Variants in TCP1 observed in about 807,000 individuals in gnomAD.
TCP1 encodes the protein T-complex protein 1 subunit alpha.
In TCP1, 6 loss-of-function variants were observed where a neutral mutation model predicts 54.7. The observed-to-expected ratio is 0.11, with a 90% confidence interval of 0.06 to 0.22. The LOEUF (loss-of-function observed/expected upper bound fraction) is 0.22. Among genes scored for constraint, TCP1 ranks in the 10% least tolerant of loss-of-function variants. The probability of loss-of-function intolerance (pLI) is 1.00; values close to 1 mark genes in which losing one functional copy is unlikely to be tolerated. For missense variants in TCP1, 511 were observed against 678.2 expected, an observed-to-expected ratio of 0.75 and a Z score of 2.74; for synonymous variants, 225 against 229.7, an observed-to-expected ratio of 0.98 and a Z score of 0.19.
intron 7 of TCP1, among the ~76,000 whole-genome samples, chr6:159,781,377 A>G (rs1168913892): frequency 6.6e-6 from 1 of 152,208 alleles, no homozygotes; most frequent in Non-Finnish European, 1.5e-5. Context: ...TCTAGTGGGG[A>G]GAGGGATTAC....
At position 159,778,566 on chromosome 6, in the gene TCP1, C is replaced by G. The variant is rs931580581; in HGVS notation, c.*479G>C. 31 of 1,370,228 alleles carry G rather than the reference C, an allele frequency of 2.3e-5. No homozygotes were observed. Among genetic ancestry groups the G allele is most frequent in the Non-Finnish European group, 2.7e-5 (27 of 993,308 alleles). 84.9% of individuals were successfully genotyped at this position (1,370,228 alleles called of 1,614,324 possible). ...TGAAAATTTGAGTTTGAAAGGGTAG[C>G]ATGCTGATACATTAAGAGGAAAAAG... On this transcript the variant is annotated 3_prime_UTR_variant, in exon 12 of 12. Coordinates refer to ENST00000321394, the MANE Select transcript of TCP1 (RefSeq NM_030752.3).
intron 7 of TCP1, among the ~76,000 whole-genome samples, chr6:159,783,523 C>A (rs1214098939): frequency 1.3e-5 from 2 of 151,774 alleles, no homozygotes; most frequent in Non-Finnish European, 2.9e-5. Context: ...CGATTACAGG[C>A]ATGAGCCACT....
At position 159,780,118 on chromosome 6, in the gene TCP1, T is replaced by C. The variant is rs749361080; in HGVS notation, c.1098-31A>G. On this transcript the variant is annotated intron_variant, in intron 9 of 11. Transcript: ENST00000321394. ...CAAAACAAAAGTACAATTCTTGTAA[T>C]AGCATTTTTAAAAATTTTTTTTTGC... 5.1e-6 allele frequency: 8 copies of C among 1,579,514 alleles called. No homozygotes were observed. In the African/African-American group the frequency reaches 6.8e-5, roughly 14 times the overall value.
chr6:159,785,545 A>G, intron 4 of TCP1, 49 bp from the exon 5 acceptor site: 1 of 1,390,998 alleles, frequency 7.2e-7, no homozygotes, highest in Non-Finnish European at 1.0e-6. Flanking sequence ...CACTACTCAA[A>G]CTCTTTGCAT....
chr6:159,778,560 G>A lies in TCP1; in HGVS notation c.*485C>T, dbSNP rs549371533. On this transcript the variant is annotated 3_prime_UTR_variant, in exon 12 of 12. Coordinates refer to ENST00000321394, the MANE Select transcript of TCP1 (RefSeq NM_030752.3). The stretch of plus-strand genomic sequence containing the variant: ...TTAAAATGAAAATTTGAGTTTGAAA[G>A]GGTAGCATGCTGATACATTAAGAGG... 7.5e-7 allele frequency: 1 copy of A among 1,334,358 alleles called. No homozygotes were observed. The highest frequency in any genetic ancestry group is 1.0e-6 in the Non-Finnish European group (1 of 969,616). 82.7% of individuals were successfully genotyped at this position (1,334,358 alleles called of 1,614,324 possible). A position where few individuals can be genotyped will look rare whatever the true frequency, so the allele number is the denominator to read the frequency against.
chr6:159,784,120 A>C, intron 6 of TCP1, 53 bp from the exon 7 acceptor site: 1 of 1,572,570 alleles, frequency 6.4e-7, no homozygotes, highest in East Asian at 2.3e-5. Flanking sequence ...AAGCATAATA[A>C]AGAGTACCTA....
intron 7 of TCP1, among the ~76,000 whole-genome samples, chr6:159,782,477 G>C (rs1780599630): frequency 6.6e-6 from 1 of 152,100 alleles, no homozygotes; most frequent in African/African-American, 2.4e-5. Flanking sequence ...CAACAGTCTA[G>C]GCAAGAAAAT....
At chr6:159,788,730 G>A (rs1294031803) in intron 1 of TCP1, 1 of 153,006 alleles carries the variant, frequency 6.5e-6, no homozygotes, top group African/African-American at 2.4e-5. Flanking sequence ...CAACGGGGAA[G>A]GTGGTGACTT....
intron 1 of TCP1, 107 bp downstream of exon 1, chr6:159,789,298 C>G: frequency 7.5e-7 from 1 of 1,341,816 alleles, no homozygotes; most frequent in Non-Finnish European, 1.0e-6. Context: ...GCCCCGAGGC[C>G]CTTTCTGCGG....
At chr6:159,786,980 A>G (rs1158010734) in intron 3 of TCP1, among the ~76,000 whole-genome samples, 1 of 151,890 alleles carries the variant, frequency 6.6e-6, no homozygotes, top group Non-Finnish European at 1.5e-5. Flanking sequence ...AGTGCAGCTC[A>G]TGCGTGTAAT....
At chr6:159,781,787 A>G (rs988981648) in intron 7 of TCP1, among the ~76,000 whole-genome samples, 1 of 152,188 alleles carries the variant, frequency 6.6e-6, no homozygotes, top group Non-Finnish European at 1.5e-5. Context: ...ACAAACAAAC[A>G]AACAAAAACA....
At chr6:159,784,638 A>G (rs745919873) in intron 6 of TCP1, 28 bp downstream of exon 6, 1 of 1,602,636 alleles carries the variant, frequency 6.2e-7, no homozygotes, top group East Asian at 2.2e-5. Context: ...TAGCAATCTC[A>G]TTCTATAAAC....
intron 7 of TCP1, among the ~76,000 whole-genome samples, chr6:159,783,729 T>C (rs1780629233): frequency 6.6e-6 from 1 of 152,108 alleles, no homozygotes; most frequent in Non-Finnish European, 1.5e-5. Flanking sequence ...GGAAATTAGA[T>C]TCCTGTCTTT....
At position 159,785,345 on chromosome 6, in the gene TCP1, C is replaced by T. The variant is rs78114506; in HGVS notation, c.488+41G>A. On this transcript the variant is annotated intron_variant, in intron 5 of 11. Transcript: ENST00000321394. ...ACCATGCCCATCTCAAAGTCTTATG[C>T]TTTAAAAAGTCTAAATTTTATCTGA... 265 of 1,488,794 alleles carry T rather than the reference C, an allele frequency of 1.8e-4. 2 individuals carry two copies. The East Asian group carries it at 6.0e-3, about 34-fold the overall frequency. The allele number at this position is 1,488,794 out of a possible 1,614,324, so 92.2% of individuals were successfully genotyped here.
At position 159,787,921 on chromosome 6, in the gene TCP1, G is replaced by A. The variant is rs145200885; in HGVS notation, c.151-50C>T. The A allele has an allele frequency of 1.6e-3, 2,591 of 1,610,206 alleles. 21 individuals are homozygous for A. Among genetic ancestry groups the A allele is most frequent in the South Asian group, 0.01 (929 of 90,930 alleles). On this transcript the variant is annotated intron_variant, in intron 2 of 11. Coordinates refer to ENST00000321394, the MANE Select transcript of TCP1 (RefSeq NM_030752.3). The stretch of plus-strand genomic sequence containing the variant: ...TGAACCACTTATAGAAATCAACACA[G>A]CCCCATTATAATACACGTTCACCTT...
At chr6:159,785,739 T>C (rs1780682010) in intron 4 of TCP1, 161 bp downstream of exon 4, 2 of 795,740 alleles carry the variant, frequency 2.5e-6, no homozygotes, top group Non-Finnish European at 4.4e-6. Context: ...AGAAAAAAGA[T>C]ACTGGTCCAA....
chr6:159,781,589 A>G (rs548521147), intron 7 of TCP1, among the ~76,000 whole-genome samples: 2 of 152,288 alleles, frequency 1.3e-5, no homozygotes, highest in African/African-American at 4.8e-5. Flanking sequence ...CCTGGCCAAC[A>G]CGGTGAAACC....
At chr6:159,789,190 C>T in intron 1 of TCP1, 2 of 563,266 alleles carry the variant, frequency 3.6e-6, no homozygotes, top group Non-Finnish European at 3.1e-6. Context: ...GGTCTCAAAA[C>T]CCTGCCGCGC....
intron 5 of TCP1, 200 bp downstream of exon 5, chr6:159,785,186 G>GC (rs1583142062): frequency 1.6e-6 from 1 of 610,952 alleles, no homozygotes; most frequent in African/African-American, 1.9e-5. Flanking sequence ...ACGCGTGCGC[G>GC]CAACACATGC....
Sources: allele counts gnomAD v4.1 joint callset (sites outside exome capture counted in the v4.1 genomes callset), GRCh38; gene constraint gnomAD v4.1.1; transcripts MANE v1.5; gene names NCBI Gene and HGNC (gene_info 2026-07-23, HGNC 2026-07-21).